RNF217: variants seen among roughly 807,000 people sequenced by gnomAD.
RNF217 encodes ring finger protein 217.
A neutral mutation model predicts 57.8 loss-of-function variants in RNF217; 31 were observed. The ratio of observed to expected loss-of-function variants is 0.54; its 90% confidence interval spans 0.40 to 0.72. The LOEUF (loss-of-function observed/expected upper bound fraction) is 0.72, where lower values mean the gene tolerates loss of function less well. Ranked by LOEUF, RNF217 falls within the 30% of genes least tolerant of loss-of-function variation. The probability of loss-of-function intolerance (pLI) is 0.00; values close to 1 mark genes in which losing one functional copy is unlikely to be tolerated. For missense variants in RNF217, 696 were observed against 708.3 expected (o/e 0.98, Z 0.20); for synonymous variants, 313 against 294.0 (o/e 1.06, Z -0.66).
chr6:125,069,140 A>G (rs1204896584), intron 3 of RNF217, among the ~76,000 whole-genome samples: 2 of 152,222 alleles, frequency 1.3e-5, no homozygotes, highest in Non-Finnish European at 2.9e-5. Flanking sequence ...TAAATTAATC[A>G]TAAGACTTAA....
intron 3 of RNF217, among the ~76,000 whole-genome samples, chr6:125,074,027 C>G (rs769822188): frequency 6.6e-6 from 1 of 152,094 alleles, no homozygotes; most frequent in Non-Finnish European, 1.5e-5. Context: ...ATGTTCTTTC[C>G]AACCTCTCTG....
intron 2 of RNF217, among the ~76,000 whole-genome samples, chr6:125,051,580 G>A (rs987303879): frequency 1.3e-5 from 2 of 151,988 alleles, no homozygotes; most frequent in African/African-American, 4.8e-5. Context: ...CACTGCTTTT[G>A]TTAAGGAACT....
intron 2 of RNF217, among the ~76,000 whole-genome samples, chr6:125,053,476 T>G (rs1274269277): frequency 6.6e-6 from 1 of 152,148 alleles, no homozygotes; most frequent in Admixed American, 6.6e-5. Context: ...CAGTGCTACT[T>G]TACACATGGA....
At chr6:125,003,532 A>C (rs1785062436) in intron 1 of RNF217, among the ~76,000 whole-genome samples, 1 of 152,210 alleles carries the variant, frequency 6.6e-6, no homozygotes, top group Admixed American at 6.5e-5. Context: ...AACTTTAGAG[A>C]TTCACTGCAC....
chr6:125,067,818 G>A (rs1340494574), intron 3 of RNF217, among the ~76,000 whole-genome samples: 1 of 152,108 alleles, frequency 6.6e-6, no homozygotes, highest in African/African-American at 2.4e-5. Context: ...CCATTCGAAT[G>A]TGGAAGTGAT....
rs1284805906 is a variant in RNF217, at chr6:124,963,298, G to C, written c.754G>C (p.Gly252Arg). The C allele has an allele frequency of 2.3e-5, 35 of 1,535,902 alleles. No individual in the cohort carries two copies. Among genetic ancestry groups the C allele is most frequent in the Non-Finnish European group, 3.1e-5 (35 of 1,146,796 alleles). ...APPYSGLGGVGDPYVPLMVLM... is the reference protein window; with the variant it reads ...APPYSGLGGVRDPYVPLMVLM... ...ACCCTACTCTGGCCTGGGCGGTGTAGGGGATCCCTATGTGCCCCTCATGGT... is the reference window on the plus strand; with the variant it reads ...ACCCTACTCTGGCCTGGGCGGTGTACGGGATCCCTATGTGCCCCTCATGGT... Residue 252 changes from glycine (G) to arginine (R), a missense_variant, in exon 1 of 6, where the codon GGG becomes CGG. Gly to Arg is a moderately radical substitution (Grantham distance 125). Coordinates refer to ENST00000521654, the MANE Select transcript of RNF217 (RefSeq NM_001286398.3).
intron 1 of RNF217, among the ~76,000 whole-genome samples, chr6:125,001,012 G>A (rs1370328329): frequency 6.6e-6 from 1 of 152,050 alleles, no homozygotes; most frequent in African/African-American, 2.4e-5. Context: ...GGAATATAGA[G>A]TCTGAAATAT....
At chr6:124,974,128 C>T (rs1276874008) in intron 1 of RNF217, among the ~76,000 whole-genome samples, 5 of 152,124 alleles carry the variant, frequency 3.3e-5, no homozygotes, top group African/African-American at 1.2e-4. Context: ...GTTTGGAAGG[C>T]CCTCAGCATA....
At chr6:124,974,387 G>A (rs1783879544) in intron 1 of RNF217, among the ~76,000 whole-genome samples, 1 of 152,032 alleles carries the variant, frequency 6.6e-6, no homozygotes, top group Non-Finnish European at 1.5e-5. Flanking sequence ...AACTTTGGTG[G>A]TGTGTTTTTT....
intron 1 of RNF217, among the ~76,000 whole-genome samples, chr6:124,988,883 T>C (rs1784451629): frequency 6.6e-6 from 1 of 152,194 alleles, no homozygotes. Context: ...TGTATGTCAG[T>C]TGACATGTAA....
intron 3 of RNF217, among the ~76,000 whole-genome samples, chr6:125,061,350 T>A (rs1787725753): frequency 6.6e-6 from 1 of 151,808 alleles, no homozygotes; most frequent in Admixed American, 6.6e-5. Flanking sequence ...TTTTTAAATA[T>A]TAATTTAATA....
chr6:124,979,627 G>C (rs1025748360), intron 1 of RNF217, among the ~76,000 whole-genome samples: 29 of 152,284 alleles, frequency 1.9e-4, no homozygotes, highest in African/African-American at 6.5e-4. Context: ...AGAGCAGAGG[G>C]GAATCTGAAA....
At chr6:124,996,563 C>T (rs542886527) in intron 1 of RNF217, 1 of 152,202 alleles carries the variant, frequency 6.6e-6, no homozygotes, top group South Asian at 2.1e-4. Flanking sequence ...AATCTGAATT[C>T]TGTCCCCACA....
chr6:124,981,837 T>C (rs1455747328), intron 1 of RNF217, among the ~76,000 whole-genome samples: 1 of 149,642 alleles, frequency 6.7e-6, no homozygotes, highest in African/African-American at 2.5e-5. Context: ...GCGAACGTGG[T>C]GAAACCCTGT....
At chr6:125,039,052 C>T (rs949833655) in intron 1 of RNF217, among the ~76,000 whole-genome samples, 5 of 151,898 alleles carry the variant, frequency 3.3e-5, no homozygotes, top group African/African-American at 1.2e-4. Context: ...CTGCTGTGTC[C>T]ATGTGTTCTT....
intron 4 of RNF217, among the ~76,000 whole-genome samples, chr6:125,081,034 T>C (rs1265118014): frequency 6.6e-6 from 1 of 152,074 alleles, no homozygotes; most frequent in Non-Finnish European, 1.5e-5. Context: ...CTCCATGTTA[T>C]GAGGTAACAA....
intron 1 of RNF217, among the ~76,000 whole-genome samples, chr6:125,008,188 G>A (rs969609329): frequency 3.3e-5 from 5 of 151,980 alleles, no homozygotes; most frequent in African/African-American, 4.8e-5. Flanking sequence ...CCCAGGGGGC[G>A]GAGCTTGCAC....
chr6:125,046,459 C>A (rs1787102834), intron 2 of RNF217: 1 of 392,716 alleles, frequency 2.5e-6, no homozygotes, highest in Non-Finnish European at 5.1e-6. Context: ...TTCCATGACA[C>A]ACCAGTGCCC....
chr6:124,964,001 A>C (rs1055555595), intron 1 of RNF217, among the ~76,000 whole-genome samples: 1 of 152,182 alleles, frequency 6.6e-6, no homozygotes, highest in Non-Finnish European at 1.5e-5. Context: ...TTAAGCCAGC[A>C]CTCTTTAAGA....
Sources: allele counts gnomAD v4.1 joint callset (sites outside exome capture counted in the v4.1 genomes callset), GRCh38; gene constraint gnomAD v4.1.1; transcripts MANE v1.5; gene names NCBI Gene and HGNC (gene_info 2026-07-23, HGNC 2026-07-21).